Variants in PYROXD1 observed in about 807,000 individuals in gnomAD.
PYROXD1 encodes the protein pyridine nucleotide-disulphide oxidoreductase domain 1, also known as tRNA ligase complex-associated NAD(P)H dehydrogenase PYROXD1.
In PYROXD1, 42 loss-of-function variants were observed where a neutral mutation model predicts 62.0. The observed-to-expected ratio is 0.68, with a 90% CI of 0.53 to 0.88. PYROXD1 has a LOEUF of 0.88. PYROXD1 is among the 40% of genes least tolerant of loss of function. The probability of loss-of-function intolerance (pLI) is 0.00; values close to 1 mark genes in which losing one functional copy is unlikely to be tolerated. For missense variants in PYROXD1, 493 were observed against 604.8 expected (o/e 0.82, Z 1.94); for synonymous variants, 170 against 206.4 (o/e 0.82, Z 1.51).
chr12:21,445,095 A>G (rs1017988847), intron 2 of PYROXD1, among the ~76,000 whole-genome samples: 3 of 152,228 alleles, frequency 2.0e-5, no homozygotes, highest in African/African-American at 7.2e-5. Context: ...CTCATTTTAC[A>G]GGTCAGCTCT....
chr12:21,457,941 C>G (rs1355785660), intron 7 of PYROXD1, among the ~76,000 whole-genome samples: 2 of 145,012 alleles, frequency 1.4e-5, no homozygotes, highest in Non-Finnish European at 3.0e-5. Flanking sequence ...TTACAGAGGA[C>G]AGGCAGGGTA....
chr12:21,446,071 A>G (rs182513933), intron 3 of PYROXD1, among the ~76,000 whole-genome samples: 100 of 152,342 alleles, frequency 6.6e-4, no homozygotes, highest in Non-Finnish European at 1.8e-4. Context: ...GGAGATTGGC[A>G]ATCAAGGCTA....
intron 5 of PYROXD1, among the ~76,000 whole-genome samples, chr12:21,453,513 C>G (rs1942540030): frequency 1.7e-5 from 1 of 60,210 alleles, no homozygotes; most frequent in Admixed American, 1.7e-4. Context: ...TTTCTCCTTT[C>G]TAAGTGTAAG....
intron 4 of PYROXD1, among the ~76,000 whole-genome samples, chr12:21,451,219 TTC>T (rs542342075): frequency 3.2e-4 from 35 of 110,736 alleles, no homozygotes; most frequent in South Asian, 5.5e-4. Flanking sequence ...TACCACTGGC[TTC>T]TCTCTCTCTT....
chr12:21,455,939 C>A, intron 6 of PYROXD1, 56 bp from the exon 7 acceptor site: 1 of 1,140,730 alleles, frequency 8.8e-7, no homozygotes, highest in Non-Finnish European at 1.3e-6. Context: ...AACTTCAGAA[C>A]ACTAACATAT....
chr12:21,455,375 A>G (rs1942576977), intron 6 of PYROXD1, 83 bp downstream of exon 6: 2 of 854,762 alleles, frequency 2.3e-6, no homozygotes, highest in Admixed American at 6.8e-5. Context: ...AAATTTAATA[A>G]AATAAATTTT....
At chr12:21,444,563 C>T (rs1942351523) in intron 2 of PYROXD1, among the ~76,000 whole-genome samples, 1 of 152,178 alleles carries the variant, frequency 6.6e-6, no homozygotes, top group South Asian at 2.1e-4. Context: ...TTATTAAGTG[C>T]TTACCATGCA....
intron 2 of PYROXD1, among the ~76,000 whole-genome samples, chr12:21,441,552 C>G (rs552080578): frequency 2.6e-5 from 4 of 151,998 alleles, no homozygotes; most frequent in Non-Finnish European, 5.9e-5. Flanking sequence ...GATCAGTTCT[C>G]TTGTTGACAT....
At chr12:21,459,335 G>C (rs1480257615) in intron 7 of PYROXD1, among the ~76,000 whole-genome samples, 1 of 152,192 alleles carries the variant, frequency 6.6e-6, no homozygotes, top group Non-Finnish European at 1.5e-5. Context: ...TGAACATGTG[G>C]AAGTTGCTAG....
intron 10 of PYROXD1, among the ~76,000 whole-genome samples, chr12:21,466,870 G>GTTGAA (rs1490802044): frequency 2.8e-4 from 43 of 152,256 alleles, no homozygotes; most frequent in Admixed American, 1.2e-3. Context: ...ATGAAGGGTT[G>GTTGAA]TTGAATTTTG....
At chr12:21,443,415 T>C (rs1267269231) in intron 2 of PYROXD1, among the ~76,000 whole-genome samples, 1 of 152,118 alleles carries the variant, frequency 6.6e-6, no homozygotes, top group African/African-American at 2.4e-5. Context: ...TATAGATAAT[T>C]AGTGTCTCAG....
At chr12:21,448,784 T>C (rs908445142) in intron 3 of PYROXD1, among the ~76,000 whole-genome samples, 25 of 152,322 alleles carry the variant, frequency 1.6e-4, no homozygotes, top group African/African-American at 6.0e-4. Context: ...AAGGCTACTA[T>C]TTATATGTGG....
intron 2 of PYROXD1, among the ~76,000 whole-genome samples, chr12:21,442,178 C>T (rs1454722959): frequency 4.6e-5 from 7 of 152,162 alleles, no homozygotes; most frequent in Admixed American, 1.3e-4. Flanking sequence ...GTGGCAGCAG[C>T]GCTGGTGTCT....
intron 1 of PYROXD1, among the ~76,000 whole-genome samples, chr12:21,439,910 G>A (rs1383224664): frequency 2.6e-5 from 4 of 152,148 alleles, no homozygotes; most frequent in Non-Finnish European, 5.9e-5. Context: ...AGAGCACCTG[G>A]GGAAAGTTAG....
chr12:21,454,617 C>G (rs1942561995), intron 5 of PYROXD1, among the ~76,000 whole-genome samples: 1 of 151,968 alleles, frequency 6.6e-6, no homozygotes, highest in African/African-American at 2.4e-5. Context: ...GATCCTTGAT[C>G]TTGATCCTTA....
At chr12:21,443,431 T>G (rs997282625) in intron 2 of PYROXD1, among the ~76,000 whole-genome samples, 1 of 152,166 alleles carries the variant, frequency 6.6e-6, no homozygotes, top group Non-Finnish European at 1.5e-5. Context: ...CTCAGAATAC[T>G]TTGTATTCCA....
intron 2 of PYROXD1, among the ~76,000 whole-genome samples, chr12:21,444,025 C>T (rs1015638094): frequency 1.3e-5 from 2 of 152,054 alleles, no homozygotes; most frequent in Non-Finnish European, 2.9e-5. Flanking sequence ...TCCAGAAGAC[C>T]TAATTCAGTA....
intron 7 of PYROXD1, among the ~76,000 whole-genome samples, chr12:21,457,618 CA>C (rs1308531105): frequency 6.6e-6 from 1 of 151,942 alleles, no homozygotes; most frequent in African/African-American, 2.4e-5. Context: ...GTACAGGAAG[CA>C]TGACTGGGGA....
chr12:21,450,549 T>C (rs1449555793), intron 4 of PYROXD1, among the ~76,000 whole-genome samples: 1 of 152,180 alleles, frequency 6.6e-6, no homozygotes, highest in African/African-American at 2.4e-5. Flanking sequence ...CTTTTGGTAA[T>C]TTAATTTAAT....
Sources: gnomAD v4.1 joint callset for allele counts (sites outside exome capture counted in the v4.1 genomes callset) on GRCh38, gnomAD v4.1.1 for gene constraint, MANE v1.5 for transcripts, NCBI Gene and HGNC (gene_info 2026-07-23, HGNC 2026-07-21) for gene names.